The following SPTBN4 variants were observed in gnomAD, a reference collection of about 807,000 sequenced individuals.
SPTBN4 encodes the protein spectrin beta, non-erythrocytic 4, also known as spectrin beta chain, non-erythrocytic 4.
In SPTBN4, 96 loss-of-function variants were observed where a neutral mutation model predicts 277.8. The observed-to-expected ratio is 0.35, with a 90% CI of 0.29 to 0.41. The LOEUF (loss-of-function observed/expected upper bound fraction) is 0.41, where lower values mean the gene tolerates loss of function less well. Ranked by LOEUF, SPTBN4 falls within the 10% of genes least tolerant of loss-of-function variation. The probability of loss-of-function intolerance (pLI) is 1.00; values close to 1 mark genes in which losing one functional copy is unlikely to be tolerated. For synonymous variants in SPTBN4, 1,481 were observed against 1,580.3 expected, an observed-to-expected ratio of 0.94 and a Z score of 1.49; for missense variants, 3,006 against 3,595.7, an observed-to-expected ratio of 0.84 and a Z score of 4.19.
rs375803678 is a variant in SPTBN4 at position 40,557,413 on chromosome 19, C to T, written c.5670+10C>T. 4.8e-5 allele frequency: 74 copies of T among 1,544,464 alleles called. No individual in the cohort carries two copies. Among genetic ancestry groups the T allele is most frequent in the African/African-American group, 2.6e-4 (19 of 73,174 alleles). ...GCTCCTCGTGTCCCAGGTGGGGCGC[C>T]GGTGGCCATCAGGGCAGGTGGGAGG... is the stretch of plus-strand genomic sequence containing the variant. On this transcript the variant is annotated intron_variant, in intron 26 of 35. Coordinates refer to ENST00000598249, the MANE Select transcript of SPTBN4 (RefSeq NM_020971.3).
rs547260527 is a variant in SPTBN4, at chr19:40,549,859, C to T, written c.4585-379C>T. ...TTCAGAGTCCAACGGGGAAAACAGA[C>T]TTGTCCCCAGACAGTGACAATTCAG... On this transcript the variant is annotated intron_variant, in intron 21 of 35. Coordinates refer to ENST00000598249, the MANE Select transcript of SPTBN4 (RefSeq NM_020971.3). Among the ~76,000 whole-genome samples, 10 of 152,330 alleles carry T rather than the reference C, an allele frequency of 6.6e-5. No individual in the cohort carries two copies. The South Asian group carries it at 1.9e-3, about 28-fold the overall frequency.
At chr19:40,475,785 C>T (rs1306146661) in intron 2 of SPTBN4, among the ~76,000 whole-genome samples, 2 of 151,340 alleles carry the variant, frequency 1.3e-5, no homozygotes. Context: ...GATCTAGAAA[C>T]CTGTAGTCCC....
intron 11 of SPTBN4, among the ~76,000 whole-genome samples, 151 bp from the exon 12 acceptor site, chr19:40,503,665 GTTACCTGGGTAACA>G (rs1411262545): frequency 5.3e-5 from 8 of 152,004 alleles, no homozygotes; most frequent in Admixed American, 3.9e-4. Context: ...TGGTCTCCAG[GTTACCTGGGTAACA>G]GGGGAGGATG....
intron 13 of SPTBN4, among the ~76,000 whole-genome samples, chr19:40,507,375 G>A (rs2080342359): frequency 3.3e-5 from 5 of 151,894 alleles, no homozygotes; most frequent in African/African-American, 9.7e-5. Context: ...CCTCAGGCAT[G>A]GCTGGATCCA....
At chr19:40,531,395 G>A (rs2080668637) in intron 18 of SPTBN4, among the ~76,000 whole-genome samples, 1 of 150,444 alleles carries the variant, frequency 6.6e-6, no homozygotes, top group African/African-American at 2.4e-5. Context: ...GCCGGCTGGG[G>A]ATCTGGGATT....
At position 40,568,258 on chromosome 19, in the gene SPTBN4, C is replaced by T. The variant is rs111746428; in HGVS notation, c.6932C>T (p.Pro2311Leu). 1.2e-6 allele frequency: 2 copies of T among 1,605,306 alleles called. No individual in the cohort carries two copies. ...ERQESSEQEM[P>L]IRGDLVKGKA... ...CAGGAGTCCAGCGAACAGGAGATGC[C>T]CATCAGAGGAGACCTGGTCAAGGGG... The change falls in exon 31 of 36, where the codon CCC becomes CTC. Residue 2311 changes from proline to leucine, a missense_variant. Physicochemically the swap from Pro to Leu is moderately conservative, Grantham distance 98. This residue lies in a region of SPTBN4 where 630 missense variants were observed against 677.6 expected (regional missense o/e 0.93). Transcript: ENST00000598249.
At chr19:40,476,215 C>T (rs1469259651) in intron 2 of SPTBN4, among the ~76,000 whole-genome samples, 3 of 151,788 alleles carry the variant, frequency 2.0e-5, no homozygotes, top group Non-Finnish European at 2.9e-5. Flanking sequence ...TGTGGTGGCG[C>T]GTGCCTCTAA....
At chr19:40,567,342 T>TAAAG (rs1393970931) in intron 30 of SPTBN4, among the ~76,000 whole-genome samples, 1 of 144,164 alleles carries the variant, frequency 6.9e-6, no homozygotes, top group Non-Finnish European at 1.5e-5. Flanking sequence ...AATAAATAAA[T>TAAAG]AAAGTCTTAA....
At chr19:40,499,613 T>G (rs1469105455) in intron 7 of SPTBN4, among the ~76,000 whole-genome samples, 1 of 151,424 alleles carries the variant, frequency 6.6e-6, no homozygotes, top group Non-Finnish European at 1.5e-5. Context: ...CCCAGGCTGG[T>G]CTCAAACTAC....
chr19:40,513,364 G>A lies in SPTBN4; in HGVS notation c.2575G>A (p.Ala859Thr). The A allele has an allele frequency of 1.2e-6, 2 of 1,600,290 alleles. No individual in the cohort carries two copies. The highest frequency in any genetic ancestry group is 1.7e-6 in the Non-Finnish European group (2 of 1,175,176). The change falls in exon 14 of 36, where the codon GCA becomes ACA. Residue 859 changes from alanine to threonine, a missense_variant. By Grantham distance (58) the Ala-to-Thr change is moderately conservative. This residue lies in a region of SPTBN4 where 1,759 missense variants were observed against 2,061.5 expected (regional missense o/e 0.85). Coordinates refer to ENST00000598249, the MANE Select transcript of SPTBN4 (RefSeq NM_020971.3). The stretch of plus-strand genomic sequence containing the variant: ...GGCGCTGCAGGTGCGCGTGGTGGAA[G>A]CAGAGCAGTTGTTCGCTGAGGTGAC... ...VVALQVRVVE[A>T]EQLFAEVTEV...
At chr19:40,538,744 C>T (rs1042894483) in intron 20 of SPTBN4, among the ~76,000 whole-genome samples, 4 of 152,138 alleles carry the variant, frequency 2.6e-5, no homozygotes, top group African/African-American at 7.2e-5. Context: ...TGTGCCACCA[C>T]GCCCAGATAA....
intron 26 of SPTBN4, among the ~76,000 whole-genome samples, chr19:40,558,312 G>A (rs1424169697): frequency 8.6e-5 from 13 of 150,698 alleles, no homozygotes; most frequent in Admixed American, 8.6e-4. Context: ...AGCCGAGATC[G>A]CGCCACTGCA....
intron 27 of SPTBN4, 111 bp from the exon 28 acceptor site, chr19:40,565,312 A>G: frequency 7.9e-7 from 1 of 1,259,750 alleles, no homozygotes; most frequent in Non-Finnish European, 1.1e-6. Context: ...AAGTGTCTTG[A>G]GGTGGTATGG....
intron 2 of SPTBN4, among the ~76,000 whole-genome samples, chr19:40,486,832 A>G (rs1599720108): frequency 6.6e-6 from 1 of 152,264 alleles, no homozygotes; most frequent in East Asian, 1.9e-4. Flanking sequence ...GTATTCACAG[A>G]GCCTTGAACA....
rs540578822 is a variant in SPTBN4 at position 40,568,180 on chromosome 19, G to T, written c.6854G>T (p.Arg2285Leu). Residue 2285 changes from arginine (R) to leucine (L), a missense_variant, in exon 31 of 36, where the codon CGC becomes CTC. By Grantham distance (102) the Arg-to-Leu change is moderately radical. Transcript: ENST00000598249. The stretch of plus-strand genomic sequence containing the variant: ...GCGGCACACAGCCTTACCCTGGGCC[G>T]CTATGAGCAGATGGAGCGGCGGCGC... ...HEAAHSLTLG[R>L]YEQMERRRER... 1.9e-6 allele frequency: 3 copies of T among 1,590,560 alleles called. No homozygotes were observed. Among genetic ancestry groups the T allele is most frequent in the Non-Finnish European group, 1.7e-6 (2 of 1,169,056 alleles).
At chr19:40,564,325 CACA>C (rs917857859) in intron 27 of SPTBN4, among the ~76,000 whole-genome samples, 2 of 152,114 alleles carry the variant, frequency 1.3e-5, no homozygotes, top group African/African-American at 2.4e-5. Context: ...CGCACCACTG[CACA>C]ACAACAACAA....
chr19:40,498,372 AT>A (rs1214208678), intron 7 of SPTBN4, among the ~76,000 whole-genome samples: 20 of 125,310 alleles, frequency 1.6e-4, no homozygotes, highest in South Asian at 1.1e-3. Context: ...GTTTTATTTT[AT>A]TTTATTTATT....
intron 26 of SPTBN4, among the ~76,000 whole-genome samples, chr19:40,557,985 T>G (rs1158530806): frequency 6.6e-6 from 1 of 151,624 alleles, no homozygotes; most frequent in Admixed American, 6.6e-5. Flanking sequence ...AACTGTGAGT[T>G]TTGCCTAAAT....
chr19:40,498,489 T>G (rs1213541638), intron 7 of SPTBN4, among the ~76,000 whole-genome samples: 2 of 151,468 alleles, frequency 1.3e-5, no homozygotes, highest in Non-Finnish European at 2.9e-5. Flanking sequence ...CACTGCAAGC[T>G]CCACCTCCTG....
Sources: allele counts gnomAD v4.1 joint callset (sites outside exome capture counted in the v4.1 genomes callset), GRCh38; gene constraint gnomAD v4.1.1; regional missense constraint gnomAD v4.1.1; transcripts MANE v1.5; gene names NCBI Gene and HGNC (gene_info 2026-07-23, HGNC 2026-07-21).